NR6A1: variants seen among roughly 807,000 people sequenced by gnomAD.
NR6A1 encodes nuclear receptor subfamily 6 group A member 1.
A neutral mutation model predicts 59.1 loss-of-function variants in NR6A1; 7 were observed. The ratio of observed to expected loss-of-function variants is 0.12; its 90% CI spans 0.07 to 0.22. NR6A1 has a LOEUF of 0.22. Among genes scored for constraint, NR6A1 ranks in the 10% least tolerant of loss-of-function variants. NR6A1 has a pLI of 1.00. For missense variants in NR6A1, 468 were observed against 611.6 expected, an observed-to-expected ratio of 0.77 and a Z score of 2.48; for synonymous variants, 243 against 236.1, an observed-to-expected ratio of 1.03 and a Z score of -0.27.
chr9:124,628,814 T>C (rs979768320), intron 2 of NR6A1, among the ~76,000 whole-genome samples: 4 of 152,102 alleles, frequency 2.6e-5, no homozygotes, highest in African/African-American at 7.2e-5. Context: ...CTAATTTTTT[T>C]GTTTTTGTCT....
chr9:124,730,237 GGTTT>G (rs1839844052), intron 2 of NR6A1, among the ~76,000 whole-genome samples: 1 of 152,050 alleles, frequency 6.6e-6, no homozygotes, highest in Non-Finnish European at 1.5e-5. Flanking sequence ...CAAATTTTTT[GGTTT>G]GTTTTTGAGA....
intron 2 of NR6A1, among the ~76,000 whole-genome samples, chr9:124,653,442 G>A (rs1455145613): frequency 6.6e-6 from 1 of 152,094 alleles, no homozygotes; most frequent in Non-Finnish European, 1.5e-5. Context: ...AAGAGACAGA[G>A]TCTCTGTCAC....
chr9:124,627,914 A>T (rs1836296835), intron 2 of NR6A1, among the ~76,000 whole-genome samples: 1 of 146,692 alleles, frequency 6.8e-6, no homozygotes. Flanking sequence ...TTTTTTTCAA[A>T]ACAAAGCAAC....
At chr9:124,647,474 T>C (rs1001778213) in intron 2 of NR6A1, among the ~76,000 whole-genome samples, 2 of 152,050 alleles carry the variant, frequency 1.3e-5, no homozygotes, top group Admixed American at 6.6e-5. Context: ...ACGCCTGTAA[T>C]CCCAATACAC....
chr9:124,656,159 C>T (rs550554140), intron 2 of NR6A1, among the ~76,000 whole-genome samples: 5 of 152,220 alleles, frequency 3.3e-5, no homozygotes, highest in African/African-American at 1.2e-4. Flanking sequence ...CTCTCTCTTG[C>T]CTCCTCCTCT....
chr9:124,636,252 A>G (rs1836608638), intron 2 of NR6A1, among the ~76,000 whole-genome samples: 1 of 152,184 alleles, frequency 6.6e-6, no homozygotes, highest in Non-Finnish European at 1.5e-5. Flanking sequence ...TTTAAGTAAC[A>G]GTCCTCCATC....
chr9:124,770,900 G>A (rs1412716727), intron 1 of NR6A1, 120 bp downstream of exon 1: 18 of 516,606 alleles, frequency 3.5e-5, no homozygotes, highest in Admixed American at 8.8e-5. Flanking sequence ...GCCACCCTAA[G>A]GGGCCGCGGG....
chr9:124,599,486 G>T (rs895003565), intron 2 of NR6A1: 1 of 486,286 alleles, frequency 2.1e-6, no homozygotes, highest in Non-Finnish European at 4.0e-6. Flanking sequence ...CTCAGGAAGA[G>T]AAACTACTGG....
At chr9:124,647,724 C>CAAAAAA (rs35591437) in intron 2 of NR6A1, among the ~76,000 whole-genome samples, 2 of 56,070 alleles carry the variant, frequency 3.6e-5, no homozygotes, top group East Asian at 3.6e-4. Context: ...GAGACCGTCT[C>CAAAAAA]AAAAAAAAAA....
chr9:124,604,100 T>C (rs547155692), intron 2 of NR6A1, among the ~76,000 whole-genome samples: 1 of 152,330 alleles, frequency 6.6e-6, no homozygotes, highest in African/African-American at 2.4e-5. Flanking sequence ...AAGGAATCCA[T>C]TTTTATCCAA....
At chr9:124,680,147 T>C (rs945067849) in intron 2 of NR6A1, among the ~76,000 whole-genome samples, 3 of 151,954 alleles carry the variant, frequency 2.0e-5, no homozygotes, top group African/African-American at 7.2e-5. Context: ...TAAATCGTGA[T>C]GTGTGACATT....
chr9:124,661,609 A>C (rs1394480484), intron 2 of NR6A1, among the ~76,000 whole-genome samples: 1 of 152,240 alleles, frequency 6.6e-6, no homozygotes, highest in East Asian at 1.9e-4. Flanking sequence ...TACGGTGTGA[A>C]GCTGAACACG....
intron 2 of NR6A1, among the ~76,000 whole-genome samples, chr9:124,702,717 T>A (rs80107011): frequency 0.024 from 3,605 of 151,922 alleles, 116 homozygotes; most frequent in East Asian, 0.096. Context: ...ATGTGCCTTT[T>A]CCCCCCTCAT....
At chr9:124,727,325 G>GT (rs1453076471) in intron 2 of NR6A1, among the ~76,000 whole-genome samples, 2 of 152,170 alleles carry the variant, frequency 1.3e-5, no homozygotes, top group African/African-American at 2.4e-5. Flanking sequence ...AGTGAAATTT[G>GT]TTTTTTTGCC....
At chr9:124,626,929 T>C (rs1297572955) in intron 2 of NR6A1, among the ~76,000 whole-genome samples, 3 of 152,064 alleles carry the variant, frequency 2.0e-5, no homozygotes, top group African/African-American at 7.2e-5. Flanking sequence ...TGAGACTCCA[T>C]CTCAAAATAA....
intron 2 of NR6A1, among the ~76,000 whole-genome samples, chr9:124,596,683 CCT>C (rs1481067283): frequency 6.6e-6 from 1 of 152,176 alleles, no homozygotes; most frequent in Non-Finnish European, 1.5e-5. Flanking sequence ...CTATAGCTTC[CCT>C]GATTCATGAA....
At chr9:124,524,180 C>A (rs988561815) in intron 9 of NR6A1, among the ~76,000 whole-genome samples, 1 of 152,044 alleles carries the variant, frequency 6.6e-6, no homozygotes, top group Non-Finnish European at 1.5e-5. Flanking sequence ...CTGGTCTTAA[C>A]TCCTAGCCTC....
At chr9:124,565,082 A>G (rs1287502478) in intron 2 of NR6A1, among the ~76,000 whole-genome samples, 2 of 152,176 alleles carry the variant, frequency 1.3e-5, no homozygotes, top group Non-Finnish European at 2.9e-5. Flanking sequence ...ATCTCTCATT[A>G]GATAATAAAG....
chr9:124,668,350 G>C (rs1837690995), intron 2 of NR6A1, among the ~76,000 whole-genome samples: 2 of 152,100 alleles, frequency 1.3e-5, no homozygotes, highest in African/African-American at 4.8e-5. Flanking sequence ...GAGGTGGAAG[G>C]GGAGGCAGAA....
Sources: gnomAD v4.1 joint callset for allele counts (sites outside exome capture counted in the v4.1 genomes callset) on GRCh38, gnomAD v4.1.1 for gene constraint, MANE v1.5 for transcripts, NCBI Gene and HGNC (gene_info 2026-07-23, HGNC 2026-07-21) for gene names.